The following PSAT1 variants were observed in gnomAD, a reference collection of about 807,000 sequenced individuals.
The protein encoded by PSAT1 is phosphoserine aminotransferase.
In PSAT1, 41 loss-of-function variants were observed where a neutral mutation model predicts 40.3. That is an observed-to-expected ratio of 1.02 (90% confidence interval 0.79 to 1.32). PSAT1 has a LOEUF of 1.32. PSAT1 is among the 40% of genes most tolerant of loss of function. PSAT1 has a pLI of 0.00. For missense variants in PSAT1, 406 were observed against 455.8 expected (o/e 0.89, Z 0.99); for synonymous variants, 147 against 170.5 (o/e 0.86, Z 1.07).
intron 6 of PSAT1, among the ~76,000 whole-genome samples, chr9:78,316,064 C>T (rs1268310875): frequency 6.6e-6 from 1 of 152,212 alleles, no homozygotes; most frequent in African/African-American, 2.4e-5. Context: ...TGAGCTTTTA[C>T]TGAGTACACG....
intron 2 of PSAT1, among the ~76,000 whole-genome samples, chr9:78,301,460 T>A (rs111659376): frequency 1.1e-3 from 163 of 152,336 alleles, no homozygotes; most frequent in African/African-American, 3.7e-3. Flanking sequence ...AAACTTATTT[T>A]CTTTTATTTT....
rs932564758 is a variant in PSAT1 at position 78,297,154 on chromosome 9, C to T, written c.-57C>T. 6 of 1,536,060 alleles carry T rather than the reference C, an allele frequency of 3.9e-6. No homozygotes were observed. In the African/African-American group the frequency reaches 4.1e-5, roughly 10 times the overall value. ...ACTCTCACCGCAGCGGCCAGGAACG[C>T]CAGCCGTTCACGCGTTCGGTCCTCC... On this transcript the variant is annotated 5_prime_UTR_variant, in exon 1 of 9. Coordinates refer to ENST00000376588, the MANE Select transcript of PSAT1 (RefSeq NM_058179.4).
Position 78,300,663 on chromosome 9 carries a change from G to A in PSAT1, c.121+1G>A. 1 of 1,577,442 alleles carries A rather than the reference G, an allele frequency of 6.3e-7. No homozygotes were observed. The highest frequency in any genetic ancestry group is 8.6e-7 in the Non-Finnish European group (1 of 1,159,932). ...AAAGGAGTTGGCATTAGTGTTCTTG[G>A]TAAGATTTACTTTTGAATTCTGTGA... On this transcript the variant is annotated splice_donor_variant, in intron 2 of 8. Transcript: ENST00000376588. LOFTEE classifies it high-confidence loss of function.
chr9:78,306,596 C>G, intron 5 of PSAT1, 110 bp downstream of exon 5: 1 of 1,383,940 alleles, frequency 7.2e-7, no homozygotes, highest in South Asian at 1.2e-5. Context: ...CCTGCAGAAC[C>G]CCTGAGCCAG....
chr9:78,325,798 T>C (rs1828489494), intron 7 of PSAT1, among the ~76,000 whole-genome samples: 1 of 152,236 alleles, frequency 6.6e-6, no homozygotes, highest in African/African-American at 2.4e-5. Flanking sequence ...TGCATGACAA[T>C]TTAGTCTTTA....
chr9:78,317,747 G>A lies in PSAT1; in HGVS notation c.812G>A (p.Ser271Asn), dbSNP rs1045902185. 6.2e-7 allele frequency: 1 copy of A among 1,613,472 alleles called. No homozygotes were observed. The highest frequency in any genetic ancestry group is 1.7e-5 in the Admixed American group (1 of 60,014). The change falls in exon 7 of 9, where the codon AGC becomes AAC. Residue 271 changes from serine to asparagine, a missense_variant. Transcript: ENST00000376588. ...GGTGCCGCGGCCATGGAGAAGCTTA[G>A]CTCCATCAAATCTCAAACAATTTAT... ...NGGAAAMEKL[S>N]SIKSQTIYEI...
chr9:78,298,272 A>G, intron 1 of PSAT1: 1 of 979,514 alleles, frequency 1.0e-6, no homozygotes, highest in Non-Finnish European at 1.2e-6. Context: ...TTAGATTTTT[A>G]TTTTTCTAAC....
rs763853118 is a variant in PSAT1, at chr9:78,308,496, G to A, written c.653G>A (p.Gly218Glu). The change falls in exon 6 of 9, where the codon GGG becomes GAG. Residue 218 changes from glycine (G) to glutamate (E), a missense_variant. Transcript: ENST00000376588. ...TVVIVRDDLL[G>E]FALRECPSVL... Reference sequence around the variant, plus strand: ...GTGATTGTCCGTGATGACCTGCTGGGGTTTGCCCTCCGAGAGTGCCCCTCG... The same window carrying A: ...GTGATTGTCCGTGATGACCTGCTGGAGTTTGCCCTCCGAGAGTGCCCCTCG... The A allele has an allele frequency of 4.3e-6, 7 of 1,613,864 alleles. No homozygotes were observed. The highest frequency in any genetic ancestry group is 5.9e-6 in the Non-Finnish European group (7 of 1,179,958).
chr9:78,326,957 T>TATATATATATATATA (rs1237443160), intron 7 of PSAT1, among the ~76,000 whole-genome samples: 1 of 59,248 alleles, frequency 1.7e-5, no homozygotes, highest in Non-Finnish European at 2.9e-5. Context: ...ATATATATAT[T>TATATATATATATATA]TTTTTTTTTT....
intron 3 of PSAT1, among the ~76,000 whole-genome samples, chr9:78,303,980 T>C (rs76491237): frequency 0.016 from 2,490 of 152,274 alleles, 64 homozygotes; most frequent in African/African-American, 0.056. Context: ...TCAAAGAATT[T>C]TGCTTTTTAT....
intron 7 of PSAT1, among the ~76,000 whole-genome samples, chr9:78,326,955 A>ATATATATTTTTTTTTT: frequency 9.2e-5 from 7 of 75,936 alleles, no homozygotes; most frequent in African/African-American, 1.9e-4. Flanking sequence ...ATATATATAT[A>ATATATATTTTTTTTTT]TTTTTTTTTT....
At position 78,329,798 on chromosome 9, in the gene PSAT1, A is replaced by C. The variant is rs1828554428; in HGVS notation, c.*712A>C. On this transcript the variant is annotated 3_prime_UTR_variant, in exon 9 of 9. Transcript: ENST00000376588. ...TTAGCAAGAGTTGTACCCCCTCCCC[A>C]GTCTTCGCCTTCCTCTTTTTAAGCT... 2.0e-5 allele frequency: 3 copies of C among 152,198 alleles called. No individual in the cohort carries two copies. The highest frequency in any genetic ancestry group is 4.4e-5 in the Non-Finnish European group (3 of 68,040). 9.4% of individuals were successfully genotyped at this position (152,198 alleles called of 1,614,324 possible).
rs538433363 is a variant in PSAT1 at position 78,300,422 on chromosome 9, A to G, written c.61-180A>G. Among the ~76,000 whole-genome samples the G allele has an allele frequency of 4.6e-5, 7 of 152,224 alleles. No homozygotes were observed. In the South Asian group the frequency reaches 8.3e-4, roughly 18 times the overall value. ...CTAATTTCATGCTTACCTTGTGTGT[A>G]AGTTGCATAATCGCTGGCTTTGTGG... On this transcript the variant is annotated intron_variant, in intron 1 of 8. Coordinates refer to ENST00000376588, the MANE Select transcript of PSAT1 (RefSeq NM_058179.4).
At chr9:78,328,933 G>A (rs756669691) in intron 8 of PSAT1, 48 bp from the exon 9 acceptor site, 21 of 1,475,794 alleles carry the variant, frequency 1.4e-5, no homozygotes, top group South Asian at 9.1e-5. Context: ...GTTTTGATGC[G>A]AAATTAGACG....
intron 2 of PSAT1, 48 bp downstream of exon 2, chr9:78,300,710 CTT>C (rs753207413): frequency 0.065 from 68,419 of 1,047,532 alleles, 1 homozygote; most frequent in South Asian, 0.091. Context: ...TCAAAGGAAG[CTT>C]TTTTTTTTTT....
At chr9:78,311,459 C>G (rs1265478101) in intron 6 of PSAT1, among the ~76,000 whole-genome samples, 1 of 152,070 alleles carries the variant, frequency 6.6e-6, no homozygotes, top group African/African-American at 2.4e-5. Context: ...AAGTTGCGAT[C>G]AGGGTACAGC....
At chr9:78,325,780 A>C (rs1328733307) in intron 7 of PSAT1, among the ~76,000 whole-genome samples, 1 of 152,178 alleles carries the variant, frequency 6.6e-6, no homozygotes, top group Non-Finnish European at 1.5e-5. Context: ...TAGTGCATAA[A>C]TATTTGTTGC....
intron 6 of PSAT1, among the ~76,000 whole-genome samples, chr9:78,316,494 C>G (rs565248384): frequency 6.6e-6 from 1 of 152,288 alleles, no homozygotes; most frequent in East Asian, 1.9e-4. Flanking sequence ...GCCGCTTTTT[C>G]TGCTCTCCCC....
At chr9:78,298,026 C>T (rs889574032) in intron 1 of PSAT1, among the ~76,000 whole-genome samples, 1 of 151,688 alleles carries the variant, frequency 6.6e-6, no homozygotes, top group Non-Finnish European at 1.5e-5. Context: ...CTCTGGTAGA[C>T]TTTGGGCTGC....
Sources: gnomAD v4.1 joint callset for allele counts (sites outside exome capture counted in the v4.1 genomes callset) on GRCh38, gnomAD v4.1.1 for gene constraint, MANE v1.5 for transcripts, NCBI Gene and HGNC (gene_info 2026-07-23, HGNC 2026-07-21) for gene names.